Variants in PTK2 observed in about 807,000 individuals in gnomAD.
The protein encoded by PTK2 is focal adhesion kinase 1.
PTK2 carries 45 observed loss-of-function variants against 150.1 expected under a neutral mutation model. The observed-to-expected ratio is 0.30, with a 90% CI of 0.24 to 0.38. The LOEUF (loss-of-function observed/expected upper bound fraction) is 0.38. PTK2 is among the 10% of genes least tolerant of loss of function. The pLI is 1.00. For missense variants in PTK2, 919 were observed against 1,307.3 expected, an observed-to-expected ratio of 0.70 and a Z score of 4.58; for synonymous variants, 432 against 449.2, an observed-to-expected ratio of 0.96 and a Z score of 0.48.
rs532056063 is a variant in PTK2, at chr8:140,673,858, C to T, written c.2709+440G>A. ...TCAGCATACATTGCTTTTACAAACC[C>T]AATTCTAACTTTAAATGGAAAATAA... On this transcript the variant is annotated intron_variant, in intron 29 of 31. Coordinates refer to ENST00000522684, the Ensembl canonical transcript of PTK2. Among the ~76,000 whole-genome samples, 7 of 152,286 alleles carry T rather than the reference C, an allele frequency of 4.6e-5. No individual in the cohort carries two copies. In the East Asian group the frequency reaches 1.2e-3, roughly 25 times the overall value.
intron 14 of PTK2, among the ~76,000 whole-genome samples, chr8:140,782,568 G>A (rs1158027023): frequency 6.6e-6 from 1 of 151,834 alleles, no homozygotes; most frequent in Admixed American, 6.6e-5. Flanking sequence ...AATTTTTTCA[G>A]TGTCCCGTAG....
chr8:140,824,092 G>C (rs923241548), intron 8 of PTK2, among the ~76,000 whole-genome samples: 2 of 152,124 alleles, frequency 1.3e-5, no homozygotes, highest in Non-Finnish European at 2.9e-5. Context: ...GAGTCAATTT[G>C]GTTTGATCCT....
Position 140,701,265 on chromosome 8 carries a change from A to G in PTK2, c.2368-243T>C, listed in dbSNP as rs920895729. The stretch of plus-strand genomic sequence containing the variant: ...ACTTGTAAGGGTCTATTTTAAAGAA[A>G]TAACACAAGATATGTGCAAAGAATA... On this transcript the variant is annotated intron_variant, in intron 25 of 31. Coordinates refer to ENST00000522684, the Ensembl canonical transcript of PTK2. Among the ~76,000 whole-genome samples, 5 of 152,232 alleles carry G rather than the reference A, an allele frequency of 3.3e-5. No homozygotes were observed. In the East Asian group the frequency reaches 7.7e-4, roughly 23 times the overall value.
chr8:140,710,661 ACT>A (rs2100036313), intron 23 of PTK2, among the ~76,000 whole-genome samples: 2 of 152,186 alleles, frequency 1.3e-5, no homozygotes, highest in Admixed American at 6.5e-5. Context: ...ACAGAGTGAG[ACT>A]CTGTCTCAAA....
In PTK2 at chr8:140,697,136, G is replaced by GAAA. The variant is rs1564577826; in HGVS notation, c.2499+3754_2499+3755insTTT. On this transcript the variant is annotated intron_variant, in intron 26 of 31. Coordinates refer to ENST00000522684, the Ensembl canonical transcript of PTK2. ...GTGACAGTGTGAGACCCTGTTTCCG[G>GAAA]GAAAAAAAAAAAAAAAAAAAAAAAA... 9.4e-3 allele frequency among the ~76,000 whole-genome samples: 408 copies of GAAA among 43,286 alleles called. 9 individuals are homozygous for GAAA. The highest frequency in any genetic ancestry group is 0.024 in the Middle Eastern group (1 of 42). The allele number at this position is 43,286 out of a possible 152,430, so 28.4% of individuals were successfully genotyped here.
At chr8:140,805,786 A>G (rs904822690) in intron 10 of PTK2, among the ~76,000 whole-genome samples, 1 of 152,130 alleles carries the variant, frequency 6.6e-6, no homozygotes, top group African/African-American at 2.4e-5. Flanking sequence ...CATTTTTCCT[A>G]GTTTCCCTTC....
At chr8:140,786,094 C>T (rs1431074493) in intron 14 of PTK2, among the ~76,000 whole-genome samples, 5 of 152,138 alleles carry the variant, frequency 3.3e-5, no homozygotes, top group Admixed American at 6.5e-5. Context: ...GTGCTCAGCA[C>T]GCTGCAGGCA....
chr8:140,781,803 C>T (rs951456978), intron 14 of PTK2, among the ~76,000 whole-genome samples: 1 of 152,166 alleles, frequency 6.6e-6, no homozygotes, highest in Non-Finnish European at 1.5e-5. Flanking sequence ...TATTTCAAAA[C>T]CTATATGACC....
At chr8:140,954,235 C>G (rs2100180475) in intron 1 of PTK2, among the ~76,000 whole-genome samples, 1 of 152,118 alleles carries the variant, frequency 6.6e-6, no homozygotes, top group Non-Finnish European at 1.5e-5. Flanking sequence ...CTGCCTCAAC[C>G]CCACAAAGTG....
chr8:140,675,557 C>T (rs1202680550), intron 27 of PTK2, 58 bp from the exon 31 acceptor site: 9 of 1,291,342 alleles, frequency 7.0e-6, no homozygotes, highest in Non-Finnish European at 1.0e-5. Context: ...GCAATGACCT[C>T]TCTCACCCAC....
At chr8:140,909,463 G>A (rs930250181) in intron 2 of PTK2, 1 of 152,114 alleles carries the variant, frequency 6.6e-6, no homozygotes, top group African/African-American at 2.4e-5. Flanking sequence ...AACTGGAGAA[G>A]GTTAGAAATT....
At chr8:140,904,304 G>C (rs563243217) in intron 2 of PTK2, among the ~76,000 whole-genome samples, 1 of 152,266 alleles carries the variant, frequency 6.6e-6, no homozygotes, top group Admixed American at 6.5e-5. Context: ...TATGTTTATT[G>C]ATTTGCGTTT....
At chr8:140,855,982 C>T (rs1342028797) in intron 5 of PTK2, among the ~76,000 whole-genome samples, 2 of 151,934 alleles carry the variant, frequency 1.3e-5, no homozygotes, top group Non-Finnish European at 2.9e-5. Flanking sequence ...GAAGAAAAAG[C>T]GTACGATTTT....
intron 1 of PTK2, among the ~76,000 whole-genome samples, chr8:140,962,219 T>A (rs1293514180): frequency 7.5e-4 from 70 of 93,628 alleles, no homozygotes; most frequent in African/African-American, 7.8e-4. Flanking sequence ...TCTCAAAATT[T>A]AAAAAAAAAA....
chr8:140,678,001 G>A (rs202101412), intron 27 of PTK2, among the ~76,000 whole-genome samples: 2 of 59,804 alleles, frequency 3.3e-5, no homozygotes, highest in Non-Finnish European at 1.1e-4. Context: ...ACAAAGAAAG[G>A]AGATGGCTGG....
chr8:140,901,632 AG>A (rs1424052706), intron 2 of PTK2, among the ~76,000 whole-genome samples: 1 of 151,872 alleles, frequency 6.6e-6, no homozygotes, highest in East Asian at 2.0e-4. Flanking sequence ...AGCTTGGGCA[AG>A]AAAGCAAGAT....
At chr8:140,780,364 C>A (rs2154567784) in intron 14 of PTK2, among the ~76,000 whole-genome samples, 1 of 152,154 alleles carries the variant, frequency 6.6e-6, no homozygotes, top group East Asian at 1.9e-4. Flanking sequence ...CAAAGAACAA[C>A]CAGATGTACA....
intron 27 of PTK2, among the ~76,000 whole-genome samples, chr8:140,685,230 T>C (rs1445612035): frequency 1.3e-5 from 2 of 152,080 alleles, no homozygotes; most frequent in Non-Finnish European, 2.9e-5. Context: ...TTACACCATA[T>C]ACAAAAATCA....
At chr8:140,818,252 T>A in intron 10 of PTK2, 25 bp downstream of exon 10, 1 of 1,584,372 alleles carries the variant, frequency 6.3e-7, no homozygotes, top group Non-Finnish European at 8.7e-7. Context: ...AACGCCAAGT[T>A]CCCGAAAGGT....
Sources: gnomAD v4.1 joint callset for allele counts (sites outside exome capture counted in the v4.1 genomes callset) on GRCh38, gnomAD v4.1.1 for gene constraint, MANE v1.5 for transcripts, NCBI Gene and HGNC (gene_info 2026-07-23, HGNC 2026-07-21) for gene names.